Variants in ERC1 observed in about 807,000 individuals in gnomAD.
ERC1 encodes RAB6 interacting protein 2.
Under a neutral mutation model 132.0 loss-of-function variants are expected in ERC1, and 56 were observed. The observed-to-expected ratio is 0.42, with a 90% CI of 0.34 to 0.53. The LOEUF (loss-of-function observed/expected upper bound fraction) is 0.53. Ranked by LOEUF, ERC1 falls within the 20% of genes least tolerant of loss-of-function variation. ERC1 has a pLI of 0.03. For missense variants in ERC1, 1,202 were observed against 1,349.9 expected, an observed-to-expected ratio of 0.89 and a Z score of 1.72; for synonymous variants, 478 against 476.1, an observed-to-expected ratio of 1.00 and a Z score of -0.05.
At chr12:1,306,589 T>C (rs761173608) in intron 15 of ERC1, among the ~76,000 whole-genome samples, 8 of 152,220 alleles carry the variant, frequency 5.3e-5, no homozygotes, top group Non-Finnish European at 1.2e-4. Flanking sequence ...CATCGGGAGA[T>C]GAATGAAATT....
intron 15 of ERC1, among the ~76,000 whole-genome samples, chr12:1,354,387 G>A (rs1309060254): frequency 1.3e-5 from 2 of 152,052 alleles, no homozygotes; most frequent in African/African-American, 4.8e-5. Flanking sequence ...GCTGGGCATG[G>A]TGGCAGGCAC....
At chr12:1,244,723 C>T in intron 13 of ERC1, 1 of 355,938 alleles carries the variant, frequency 2.8e-6, no homozygotes, top group Non-Finnish European at 5.7e-6. Context: ...GACGGGGTTT[C>T]ACCATGTTGG....
intron 13 of ERC1, among the ~76,000 whole-genome samples, chr12:1,256,606 G>A (rs1043672540): frequency 4.0e-5 from 6 of 150,330 alleles, no homozygotes; most frequent in Non-Finnish European, 7.4e-5. Flanking sequence ...TTATGAATAC[G>A]TTGGATTACT....
intron 15 of ERC1, among the ~76,000 whole-genome samples, chr12:1,346,917 C>G: frequency 7.1e-6 from 1 of 140,712 alleles, no homozygotes; most frequent in Middle Eastern, 4.1e-3. Context: ...AGTCCGCAGT[C>G]CGGCCTGGGC....
chr12:1,057,714 G>T (rs1250763115), intron 2 of ERC1, among the ~76,000 whole-genome samples: 1 of 147,588 alleles, frequency 6.8e-6, no homozygotes, highest in Non-Finnish European at 1.5e-5. Context: ...CCCTGCCTCA[G>T]CCTCCTTAGT....
chr12:1,150,643 T>C (rs992211447), intron 8 of ERC1, among the ~76,000 whole-genome samples: 2 of 152,196 alleles, frequency 1.3e-5, no homozygotes, highest in African/African-American at 4.8e-5. Flanking sequence ...TATGTGTACT[T>C]GATATGATCA....
intron 14 of ERC1, among the ~76,000 whole-genome samples, chr12:1,269,834 C>G (rs73595936): frequency 6.6e-6 from 1 of 152,136 alleles, no homozygotes; most frequent in Admixed American, 6.5e-5. Context: ...TTCCCCTTCA[C>G]GGTTCTGCAC....
At chr12:1,390,163 T>C (rs867592584) in intron 16 of ERC1, among the ~76,000 whole-genome samples, 23 of 152,322 alleles carry the variant, frequency 1.5e-4, no homozygotes, top group African/African-American at 5.3e-4. Context: ...TATTTCCTTC[T>C]AATTATAGTA....
chr12:1,100,668 G>A (rs73037099), intron 3 of ERC1, among the ~76,000 whole-genome samples: 7,125 of 152,292 alleles, frequency 0.047, 255 homozygotes, highest in Middle Eastern at 0.1. Flanking sequence ...CTGGCTGGAT[G>A]CATACCATGA....
intron 8 of ERC1, among the ~76,000 whole-genome samples, chr12:1,155,029 C>T (rs1417861005): frequency 6.6e-6 from 1 of 152,114 alleles, no homozygotes; most frequent in African/African-American, 2.4e-5. Context: ...GTACATTTAT[C>T]ATTTCAGGCT....
chr12:995,204 C>T (rs1326400661), intron 1 of ERC1, among the ~76,000 whole-genome samples: 2 of 151,908 alleles, frequency 1.3e-5, no homozygotes, highest in East Asian at 3.9e-4. Context: ...TTGCAGTGAG[C>T]TGTCATTCCG....
chr12:1,400,554 T>C (rs2090933752), intron 16 of ERC1, among the ~76,000 whole-genome samples: 1 of 152,192 alleles, frequency 6.6e-6, no homozygotes, highest in Non-Finnish European at 1.5e-5. Flanking sequence ...TAGTTTTAGC[T>C]CTTCCATTTA....
chr12:1,355,938 G>C (rs1222614658), intron 15 of ERC1, among the ~76,000 whole-genome samples: 4 of 152,108 alleles, frequency 2.6e-5, no homozygotes, highest in Non-Finnish European at 5.9e-5. Context: ...GGGTGCGGTG[G>C]CTTACACCTG....
At chr12:1,156,440 T>C (rs1951408070) in intron 8 of ERC1, among the ~76,000 whole-genome samples, 1 of 152,008 alleles carries the variant, frequency 6.6e-6, no homozygotes, top group South Asian at 2.1e-4. Flanking sequence ...GATTTTACCA[T>C]GTTGGCCAGC....
At chr12:1,439,288 A>G (rs1202997660) in intron 17 of ERC1, among the ~76,000 whole-genome samples, 1 of 152,198 alleles carries the variant, frequency 6.6e-6, no homozygotes, top group Non-Finnish European at 1.5e-5. Context: ...TTTGTATTGA[A>G]TGATACAGGA....
chr12:1,436,971 G>GATATATAT (rs140955841), intron 17 of ERC1, among the ~76,000 whole-genome samples: 1 of 149,190 alleles, frequency 6.7e-6, no homozygotes, highest in African/African-American at 2.5e-5. Context: ...AAGCCATTCA[G>GATATATAT]ATATATATAT....
intron 15 of ERC1, among the ~76,000 whole-genome samples, chr12:1,343,189 C>T (rs2084089204): frequency 1.3e-5 from 2 of 152,160 alleles, no homozygotes; most frequent in African/African-American, 4.8e-5. Context: ...AACATGAGGC[C>T]AGCAGAGCCC....
chr12:1,308,041 T>C (rs2081012524), intron 15 of ERC1, among the ~76,000 whole-genome samples: 1 of 152,180 alleles, frequency 6.6e-6, no homozygotes, highest in Middle Eastern at 3.2e-3. Flanking sequence ...TGAATGGTCA[T>C]TGTGCATATA....
At chr12:1,176,401 C>A (rs1422859946) in intron 8 of ERC1, among the ~76,000 whole-genome samples, 1 of 152,056 alleles carries the variant, frequency 6.6e-6, no homozygotes, top group Non-Finnish European at 1.5e-5. Flanking sequence ...GTGATAGAGG[C>A]TTCATTGTTC....
Sources: allele counts gnomAD v4.1 joint callset (sites outside exome capture counted in the v4.1 genomes callset), GRCh38; gene constraint gnomAD v4.1.1; transcripts MANE v1.5; gene names NCBI Gene and HGNC (gene_info 2026-07-23, HGNC 2026-07-21).